KSR1: variants seen among roughly 807,000 people sequenced by gnomAD.
KSR1 encodes the protein kinase suppressor of ras 1, also known as kinase suppressor of ras.
Under a neutral mutation model 92.9 loss-of-function variants are expected in KSR1, and 35 were observed. The ratio of observed to expected loss-of-function variants is 0.38; its 90% CI spans 0.29 to 0.50. The LOEUF is 0.50. KSR1 is among the 20% of genes least tolerant of loss of function. The pLI is 0.94. For missense variants in KSR1, 972 were observed against 1,158.5 expected, an observed-to-expected ratio of 0.84 and a Z score of 2.34; for synonymous variants, 467 against 472.6, an observed-to-expected ratio of 0.99 and a Z score of 0.15.
At chr17:27,604,482 G>A (rs1299798544) in intron 12 of KSR1, among the ~76,000 whole-genome samples, 198 bp from the exon 13 acceptor site, 1 of 152,154 alleles carries the variant, frequency 6.6e-6, no homozygotes, top group Non-Finnish European at 1.5e-5. Context: ...GTTAGCCTAG[G>A]GAAGGCTGAG....
chr17:27,508,817 C>A (rs1485449141), intron 1 of KSR1, among the ~76,000 whole-genome samples: 1 of 151,772 alleles, frequency 6.6e-6, no homozygotes. Flanking sequence ...GTAACCTCCA[C>A]CTCCCGGGTT....
At chr17:27,601,641 C>T (rs1025023053) in intron 11 of KSR1, among the ~76,000 whole-genome samples, 1 of 152,198 alleles carries the variant, frequency 6.6e-6, no homozygotes. Context: ...CATCCAGCCT[C>T]TTGGCACAGA....
At chr17:27,537,199 C>T (rs1296316792) in intron 1 of KSR1, among the ~76,000 whole-genome samples, 2 of 152,222 alleles carry the variant, frequency 1.3e-5, no homozygotes, top group African/African-American at 2.4e-5. Context: ...TTCCCAAACA[C>T]TCAGCATCAA....
chr17:27,621,862 C>T (rs1185695429), intron 20 of KSR1: 14 of 1,564,916 alleles, frequency 8.9e-6, no homozygotes, highest in Admixed American at 1.7e-5. Context: ...CTCTAGCTCC[C>T]GACAGGCTCT....
At chr17:27,500,899 T>TCAGGAGATCAAGCTTATGTGAAGCTCCA (rs1424887121) in intron 1 of KSR1, among the ~76,000 whole-genome samples, 5 of 152,212 alleles carry the variant, frequency 3.3e-5, no homozygotes, top group African/African-American at 1.2e-4. Context: ...CTTGGCTTTA[T>TCAGGAGATCAAGCTTATGTGAAGCTCCA]CAGGAGATCA....
intron 1 of KSR1, chr17:27,465,499 A>G (rs574660730): frequency 6.6e-6 from 1 of 152,284 alleles, no homozygotes; most frequent in South Asian, 2.1e-4. Context: ...TGGGCGACAT[A>G]CTGAGACTCT....
intron 5 of KSR1, among the ~76,000 whole-genome samples, chr17:27,586,853 C>T (rs2072988122): frequency 6.6e-6 from 1 of 152,100 alleles, no homozygotes; most frequent in African/African-American, 2.4e-5. Flanking sequence ...GTAGCTGGCA[C>T]CTTTGGCCCC....
At chr17:27,528,318 C>T (rs1208699717) in intron 1 of KSR1, among the ~76,000 whole-genome samples, 2 of 152,100 alleles carry the variant, frequency 1.3e-5, no homozygotes, top group Middle Eastern at 3.4e-3. Flanking sequence ...CTGCCCACCT[C>T]AACCTCCCAA....
intron 1 of KSR1, among the ~76,000 whole-genome samples, chr17:27,502,529 C>T (rs1171749315): frequency 6.6e-6 from 1 of 152,246 alleles, no homozygotes; most frequent in Non-Finnish European, 1.5e-5. Context: ...CATTCTCTAG[C>T]CCTTGGTGAA....
intron 2 of KSR1, among the ~76,000 whole-genome samples, chr17:27,570,238 G>A (rs888274149): frequency 4.6e-5 from 7 of 152,218 alleles, no homozygotes; most frequent in Non-Finnish European, 7.3e-5. Context: ...CTGGGAAAAA[G>A]GGCTCACTTC....
intron 10 of KSR1, among the ~76,000 whole-genome samples, chr17:27,597,885 G>C (rs889481826): frequency 8.5e-5 from 13 of 152,206 alleles, no homozygotes; most frequent in African/African-American, 2.9e-4. Flanking sequence ...ATCTGGGTAA[G>C]CTCCTTCAAG....
intron 1 of KSR1, among the ~76,000 whole-genome samples, chr17:27,515,048 C>T (rs1034286449): frequency 1.8e-4 from 27 of 152,098 alleles, no homozygotes; most frequent in Non-Finnish European, 3.4e-4. Context: ...CAGGGATTCC[C>T]GAGGTTAAGG....
chr17:27,549,743 T>C (rs947679826), intron 1 of KSR1, among the ~76,000 whole-genome samples: 96 of 152,346 alleles, frequency 6.3e-4, no homozygotes, highest in African/African-American at 2.1e-3. Context: ...GCTACACTTG[T>C]GGTGCTCACC....
chr17:27,487,250 C>T (rs951009043), intron 1 of KSR1, among the ~76,000 whole-genome samples: 1 of 152,070 alleles, frequency 6.6e-6, no homozygotes, highest in Non-Finnish European at 1.5e-5. Context: ...GCCTGGCCAA[C>T]ATGGTGAAAC....
rs191060026 is a variant in KSR1, at chr17:27,592,474, A to G, written c.1193-46A>G. On this transcript the variant is annotated intron_variant, in intron 8 of 20. Coordinates refer to ENST00000644974, the MANE Select transcript of KSR1 (RefSeq NM_001394583.1). ...GCCTTCTGGATTTGGGTGAATCTTT[A>G]GCTTGACCTGTTCCCTGGTGATGGG... is the stretch of plus-strand genomic sequence containing the variant. The G allele has an allele frequency of 1.4e-4, 229 of 1,613,414 alleles. No individual in the cohort carries two copies. The East Asian group carries it at 2.5e-3, about 18-fold the overall frequency.
At chr17:27,611,075 C>A (rs571093732) in intron 17 of KSR1, among the ~76,000 whole-genome samples, 1 of 152,336 alleles carries the variant, frequency 6.6e-6, no homozygotes, top group Non-Finnish European at 1.5e-5. Flanking sequence ...TCCTCCCTGA[C>A]CTTTAACTGT....
intron 1 of KSR1, among the ~76,000 whole-genome samples, chr17:27,516,531 C>G (rs2069802589): frequency 6.6e-6 from 1 of 152,000 alleles, no homozygotes; most frequent in Non-Finnish European, 1.5e-5. Flanking sequence ...TCCTCCTCCT[C>G]CCCCTTTCAT....
At chr17:27,597,883 A>T (rs2073405656) in intron 10 of KSR1, among the ~76,000 whole-genome samples, 1 of 152,202 alleles carries the variant, frequency 6.6e-6, no homozygotes. Context: ...TGATCTGGGT[A>T]AGCTCCTTCA....
chr17:27,608,476 A>G (rs1205006042), intron 15 of KSR1, among the ~76,000 whole-genome samples: 1 of 152,194 alleles, frequency 6.6e-6, no homozygotes, highest in Non-Finnish European at 1.5e-5. Context: ...GGATGAGATC[A>G]TGCCTATGTC....
Sources: gnomAD v4.1 joint callset for allele counts (sites outside exome capture counted in the v4.1 genomes callset) on GRCh38, gnomAD v4.1.1 for gene constraint, MANE v1.5 for transcripts, NCBI Gene and HGNC (gene_info 2026-07-23, HGNC 2026-07-21) for gene names.